Variants in CNTN3 observed in about 807,000 individuals in gnomAD.
CNTN3 encodes the protein contactin 3, also known as contactin-3.
A neutral mutation model predicts 119.1 loss-of-function variants in CNTN3; 60 were observed. The observed-to-expected ratio is 0.50, with a 90% confidence interval of 0.41 to 0.62. CNTN3 has a LOEUF of 0.62. CNTN3 is among the 20% of genes least tolerant of loss of function. The pLI, the probability that CNTN3 is intolerant of heterozygous loss-of-function variation, is 0.00. For missense variants in CNTN3, 1,101 were observed against 1,242.4 expected (o/e 0.89, Z 1.71); for synonymous variants, 450 against 438.7 (o/e 1.03, Z -0.32).
At chr3:74,300,894 T>G (rs1702439971) in intron 16 of CNTN3, among the ~76,000 whole-genome samples, 1 of 152,214 alleles carries the variant, frequency 6.6e-6, no homozygotes. Flanking sequence ...TCTATGTGAA[T>G]AGTTGTCTCA....
intron 5 of CNTN3, among the ~76,000 whole-genome samples, chr3:74,407,431 GC>G: frequency 9.5e-6 from 1 of 105,130 alleles, no homozygotes; most frequent in South Asian, 3.1e-4. Flanking sequence ...ACCACGCCTG[GC>G]TAATTTTTTT....
At chr3:74,468,545 C>G (rs1702505200) in intron 4 of CNTN3, among the ~76,000 whole-genome samples, 1 of 152,112 alleles carries the variant, frequency 6.6e-6, no homozygotes, top group Non-Finnish European at 1.5e-5. Context: ...ATTCTAATAC[C>G]AGCACCACTG....
chr3:74,425,563 A>G (rs184790658), intron 4 of CNTN3, among the ~76,000 whole-genome samples: 1 of 152,260 alleles, frequency 6.6e-6, no homozygotes, highest in Non-Finnish European at 1.5e-5. Flanking sequence ...ATCAGAATGA[A>G]CTAACCAGAC....
intron 1 of CNTN3, among the ~76,000 whole-genome samples, chr3:74,612,265 A>G (rs570390825): frequency 2.0e-5 from 3 of 152,326 alleles, no homozygotes; most frequent in Admixed American, 2.0e-4. Context: ...CTGGGCATAT[A>G]TGAAATGTGA....
At chr3:74,445,140 G>T (rs1401878999) in intron 4 of CNTN3, among the ~76,000 whole-genome samples, 1 of 152,168 alleles carries the variant, frequency 6.6e-6, no homozygotes, top group South Asian at 2.1e-4. Context: ...AATATTTAAT[G>T]CACTAATGAT....
chr3:74,596,531 C>T (rs960429573), intron 1 of CNTN3, among the ~76,000 whole-genome samples: 3 of 152,128 alleles, frequency 2.0e-5, no homozygotes, highest in Non-Finnish European at 1.5e-5. Flanking sequence ...GAAATAATGC[C>T]ACATATCTAC....
At chr3:74,457,514 C>T (rs960915190) in intron 4 of CNTN3, among the ~76,000 whole-genome samples, 5 of 151,808 alleles carry the variant, frequency 3.3e-5, no homozygotes. Flanking sequence ...AGCCGCCCCC[C>T]AAAAAATAAA....
intron 19 of CNTN3, among the ~76,000 whole-genome samples, chr3:74,291,510 C>T (rs562928182): frequency 6.6e-6 from 1 of 152,170 alleles, no homozygotes; most frequent in East Asian, 1.9e-4. Context: ...AGTTTACAGT[C>T]CCACCAACAG....
chr3:74,299,761 C>T lies in CNTN3; in HGVS notation c.2166+107G>A, dbSNP rs1702415842. ...GCAGCAGCACCCACCAGCCACACCC[C>T]CAGCACTACCACCACCACCTGCACC... On this transcript the variant is annotated intron_variant, in intron 17 of 22. Coordinates refer to ENST00000263665, the MANE Select transcript of CNTN3 (RefSeq NM_020872.3). The T allele has an allele frequency of 3.6e-6, 3 of 822,234 alleles. No homozygotes were observed. In the South Asian group the frequency reaches 6.1e-5, roughly 17 times the overall value. The allele number at this position is 822,234 out of a possible 1,614,324, so 50.9% of individuals were successfully genotyped here.
intron 2 of CNTN3, among the ~76,000 whole-genome samples, chr3:74,507,719 C>G (rs1703290596): frequency 6.6e-6 from 1 of 150,636 alleles, no homozygotes; most frequent in Non-Finnish European, 1.5e-5. Flanking sequence ...GCAACCTCTG[C>G]CTCCCGGCTT....
At chr3:74,489,153 T>C (rs1702915018) in intron 3 of CNTN3, among the ~76,000 whole-genome samples, 1 of 152,162 alleles carries the variant, frequency 6.6e-6, no homozygotes, top group East Asian at 1.9e-4. Flanking sequence ...GCCAGCATTA[T>C]CACCCCATGA....
At chr3:74,500,307 C>A (rs188508885) in intron 2 of CNTN3, among the ~76,000 whole-genome samples, 1 of 151,848 alleles carries the variant, frequency 6.6e-6, no homozygotes, top group East Asian at 1.9e-4. Flanking sequence ...ACTGAACAGG[C>A]GTCTTTTTAA....
chr3:74,281,859 T>G (rs910170266), intron 20 of CNTN3, among the ~76,000 whole-genome samples: 2 of 152,120 alleles, frequency 1.3e-5, no homozygotes, highest in Non-Finnish European at 2.9e-5. Context: ...AAATTTGAGA[T>G]CTTATTACAT....
At chr3:74,589,276 C>T (rs189623489) in intron 1 of CNTN3, among the ~76,000 whole-genome samples, 20 of 152,086 alleles carry the variant, frequency 1.3e-4, no homozygotes, top group Admixed American at 4.6e-4. Context: ...AACAAACAAC[C>T]GCATCAAAAA....
intron 13 of CNTN3, among the ~76,000 whole-genome samples, chr3:74,314,216 A>C (rs2106648298): frequency 6.6e-6 from 1 of 152,332 alleles, no homozygotes; most frequent in African/African-American, 2.4e-5. Context: ...TTAAACCACA[A>C]ATGGCAGCAA....
At chr3:74,559,613 A>G (rs992359548) in intron 1 of CNTN3, among the ~76,000 whole-genome samples, 1 of 38,426 alleles carries the variant, frequency 2.6e-5, no homozygotes, top group Admixed American at 2.8e-4. Context: ...ACCAAAAAAG[A>G]AAAGAAAAAA....
At chr3:74,508,109 A>G (rs770436065) in intron 2 of CNTN3, among the ~76,000 whole-genome samples, 1 of 152,056 alleles carries the variant, frequency 6.6e-6, no homozygotes, top group Non-Finnish European at 1.5e-5. Context: ...AATCCCCATA[A>G]TCCCCATGTG....
chr3:74,407,247 G>C (rs1701341566), intron 5 of CNTN3, among the ~76,000 whole-genome samples: 2 of 149,766 alleles, frequency 1.3e-5, no homozygotes, highest in South Asian at 4.2e-4. Context: ...GTAAAGTATA[G>C]CCAGGCCAAA....
At chr3:74,560,440 TAAAATATATAATA>T (rs1266146016) in intron 1 of CNTN3, among the ~76,000 whole-genome samples, 1 of 152,162 alleles carries the variant, frequency 6.6e-6, no homozygotes, top group Non-Finnish European at 1.5e-5. Context: ...TGTTTAAAAA[TAAAATATATAATA>T]AAAATGACAA....
Sources: allele counts gnomAD v4.1 joint callset (sites outside exome capture counted in the v4.1 genomes callset), GRCh38; gene constraint gnomAD v4.1.1; transcripts MANE v1.5; gene names NCBI Gene and HGNC (gene_info 2026-07-23, HGNC 2026-07-21).